The following PTGS1 variants were observed in gnomAD, a reference collection of about 807,000 sequenced individuals.
PTGS1 encodes the protein prostaglandin G/H synthase 1.
A neutral mutation model predicts 63.0 loss-of-function variants in PTGS1; 40 were observed. That is an observed-to-expected ratio of 0.63 (90% CI 0.49 to 0.83). The LOEUF (loss-of-function observed/expected upper bound fraction) is 0.83. Ranked by LOEUF, PTGS1 falls within the 40% of genes least tolerant of loss-of-function variation. The pLI, the probability that PTGS1 is intolerant of heterozygous loss-of-function variation, is 0.00. For missense variants in PTGS1, 709 were observed against 786.5 expected (o/e 0.90, Z 1.18); for synonymous variants, 298 against 301.9 (o/e 0.99, Z 0.13).
intron 9 of PTGS1, among the ~76,000 whole-genome samples, chr9:122,389,001 G>A (rs1362076381): frequency 6.6e-6 from 1 of 151,954 alleles, no homozygotes; most frequent in Admixed American, 6.6e-5. Flanking sequence ...AGCTGTAATT[G>A]GCACCATCCT....
In PTGS1 at chr9:122,393,444, A is replaced by C. The variant is rs538257389; in HGVS notation, c.*900A>C. 31 of 152,304 alleles carry C rather than the reference A, an allele frequency of 2.0e-4. No homozygotes were observed. Among genetic ancestry groups the C allele is most frequent in the African/African-American group, 7.0e-4 (29 of 41,546 alleles). The allele number at this position is 152,304 out of a possible 1,614,324, so 9.4% of individuals were successfully genotyped here. On this transcript the variant is annotated 3_prime_UTR_variant, in exon 11 of 11. Transcript: ENST00000362012. ...CTGGGATCCTTGGGCCCATCACTGT[A>C]TAGACATGCTACCACTGGTACTTCC...
rs200336506 is a variant in PTGS1, at chr9:122,383,674, C to T, written c.928C>T (p.Arg310Cys). 8.1e-6 allele frequency: 13 copies of T among 1,613,928 alleles called. No individual in the cohort carries two copies. Among genetic ancestry groups the T allele is most frequent in the South Asian group, 3.3e-5 (3 of 91,070 alleles). Residue 310 changes from arginine (R) to cysteine (C), a missense_variant, in exon 8 of 11, where the codon CGT becomes TGT. Physicochemically the swap from Arg to Cys is radical, Grantham distance 180 (BLOSUM62 -3). Coordinates refer to ENST00000362012, the MANE Select transcript of PTGS1 (RefSeq NM_000962.4). Reference protein sequence around the residue: ...YATLWLREHNRVCDLLKAEHP... With the variant: ...YATLWLREHNCVCDLLKAEHP... ...CACGCTCTGGCTACGTGAGCACAACCGTGTGTGTGACCTGCTGAAGGCTGA... is the reference window on the plus strand; with the variant it reads ...CACGCTCTGGCTACGTGAGCACAACTGTGTGTGTGACCTGCTGAAGGCTGA...
chr9:122,388,007 T>C (rs147068179), intron 9 of PTGS1, among the ~76,000 whole-genome samples: 53 of 152,334 alleles, frequency 3.5e-4, no homozygotes, highest in African/African-American at 1.2e-3. Flanking sequence ...CTGGCTGCTT[T>C]ATGGCCTCTT....
chr9:122,385,234 A>C (rs1837805227), intron 8 of PTGS1, among the ~76,000 whole-genome samples: 1 of 152,192 alleles, frequency 6.6e-6, no homozygotes, highest in Non-Finnish European at 1.5e-5. Flanking sequence ...CTGGGTTTAT[A>C]GGCATGAGCC....
rs59514121 is a variant in PTGS1 at position 122,380,466 on chromosome 9, AAAATAAATAAAT to A, written c.497-871_497-860del. On this transcript the variant is annotated intron_variant, in intron 5 of 10. Coordinates refer to ENST00000362012, the MANE Select transcript of PTGS1 (RefSeq NM_000962.4). ...GGCAATAGAGTGAGACCCTGTCTCA[AAAATAAATAAAT>A]AAATAAATAAATAAATAAATAAATA... Among the ~76,000 whole-genome samples, 1,455 of 145,872 alleles carry A rather than the reference AAAATAAATAAAT, an allele frequency of 1.0e-2. 32 individuals carry two copies. The highest frequency in any genetic ancestry group is 0.033 in the African/African-American group (1,264 of 38,480).
chr9:122,391,767 AT>A (rs1053973577), intron 10 of PTGS1, among the ~76,000 whole-genome samples: 41 of 152,166 alleles, frequency 2.7e-4, no homozygotes, highest in Admixed American at 7.9e-4. Flanking sequence ...GAGCTCGGAC[AT>A]GTTACATCTT....
At chr9:122,378,365 T>A in intron 3 of PTGS1, 68 bp from the exon 4 acceptor site, 1 of 1,602,416 alleles carries the variant, frequency 6.2e-7, no homozygotes, top group South Asian at 1.1e-5. Context: ...CAGTGCCCCA[T>A]CTTCCACCCT....
intron 5 of PTGS1, 54 bp downstream of exon 5, chr9:122,378,972 C>T (rs1205941764): frequency 6.3e-7 from 1 of 1,599,588 alleles, no homozygotes; most frequent in African/African-American, 1.3e-5. Context: ...CTCAGTTCTT[C>T]TCTTTGGGAA....
chr9:122,375,940 T>C (rs1837120971), intron 2 of PTGS1, among the ~76,000 whole-genome samples: 1 of 152,146 alleles, frequency 6.6e-6, no homozygotes, highest in Admixed American at 6.5e-5. Context: ...CCGTGAGTCC[T>C]AGCGGACCTT....
chr9:122,370,736 G>T (rs1389215032), upstream of PTGS1: 58 of 512,970 alleles, frequency 1.1e-4, no homozygotes, highest in Non-Finnish European at 1.6e-4. Flanking sequence ...CAGACGAGCC[G>T]CTTCCATCCC....
chr9:122,388,618 G>T (rs1460652295), intron 9 of PTGS1, among the ~76,000 whole-genome samples: 1 of 152,212 alleles, frequency 6.6e-6, no homozygotes, highest in South Asian at 2.1e-4. Context: ...CAGAGCAACA[G>T]ATGGAGGCTA....
chr9:122,382,306 A>T (rs1837575942), intron 7 of PTGS1, among the ~76,000 whole-genome samples: 1 of 152,272 alleles, frequency 6.6e-6, no homozygotes, highest in African/African-American at 2.4e-5. Context: ...TTAGCATTTT[A>T]GCATGTAATC....
At position 122,383,640 on chromosome 9, in the gene PTGS1, G is replaced by A. The variant is rs1218412685; in HGVS notation, c.894G>A (p.Met298Ile). 3.1e-6 allele frequency: 5 copies of A among 1,614,060 alleles called. No individual in the cohort carries two copies. In the South Asian group the frequency reaches 4.4e-5, roughly 14 times the overall value. ...TGTTTGGGCTGCTTCCTGGGCTCAT[G>A]CTGTATGCCACGCTCTGGCTACGTG... The part of the protein sequence containing the change: ...QEVFGLLPGL[M>I]LYATLWLREH... Residue 298 changes from methionine to isoleucine, a missense_variant, in exon 8 of 11, where the codon ATG (methionine) becomes ATA (isoleucine). Met to Ile is a conservative substitution (Grantham distance 10). Transcript: ENST00000362012.
rs137938866 is a variant in PTGS1, at chr9:122,378,834, T to C, written c.412T>C (p.Trp138Arg). 146 of 1,614,144 alleles carry C rather than the reference T, an allele frequency of 9.0e-5. No individual in the cohort carries two copies. The highest frequency in any genetic ancestry group is 1.2e-4 in the Non-Finnish European group (138 of 1,180,048). Residue 138 changes from tryptophan (W) to arginine (R), a missense_variant, in exon 5 of 11, where the codon TGG becomes CGG. Physicochemically the swap from Trp to Arg is moderately radical, Grantham distance 101. Coordinates refer to ENST00000362012, the MANE Select transcript of PTGS1 (RefSeq NM_000962.4). ...CAACTCAGCACATGACTACATCAGC[T>C]GGGAGTCTTTCTCCAACGTGAGCTA... Reference protein sequence around the residue: ...TYNSAHDYISWESFSNVSYYT... With the variant: ...TYNSAHDYISRESFSNVSYYT...
intron 2 of PTGS1, among the ~76,000 whole-genome samples, chr9:122,375,710 G>A (rs1280761894): frequency 2.0e-5 from 3 of 152,170 alleles, no homozygotes; most frequent in Non-Finnish European, 4.4e-5. Context: ...GGGAGGCAAG[G>A]CGTGGGCTCA....
At chr9:122,390,019 G>A in intron 9 of PTGS1, among the ~76,000 whole-genome samples, 179 bp from the exon 10 acceptor site, 1 of 152,156 alleles carries the variant, frequency 6.6e-6, no homozygotes, top group South Asian at 2.1e-4. Context: ...CTTCCTGAGA[G>A]AGCATGACAG....
upstream of PTGS1, chr9:122,370,718 A>C: frequency 4.2e-6 from 2 of 473,276 alleles, no homozygotes; most frequent in Non-Finnish European, 3.8e-6. Context: ...GGGGCAGGGT[A>C]TGTGGTTCAG....
chr9:122,388,879 G>C (rs1258425506), intron 9 of PTGS1, among the ~76,000 whole-genome samples: 1 of 152,132 alleles, frequency 6.6e-6, no homozygotes, highest in Admixed American at 6.5e-5. Context: ...CTTTTGCAAA[G>C]ACTTCATTTC....
intron 2 of PTGS1, chr9:122,375,220 G>T: frequency 3.4e-6 from 3 of 874,400 alleles, no homozygotes; most frequent in Non-Finnish European, 4.1e-6. Context: ...AGGCGGGAGG[G>T]GGGAAGCTGG....
Sources: allele counts gnomAD v4.1 joint callset (sites outside exome capture counted in the v4.1 genomes callset), GRCh38; gene constraint gnomAD v4.1.1; transcripts MANE v1.5; gene names NCBI Gene and HGNC (gene_info 2026-07-23, HGNC 2026-07-21).